CACNA1I: variants seen among roughly 807,000 people sequenced by gnomAD.
The protein encoded by CACNA1I is calcium voltage-gated channel subunit alpha1 I.
Under a neutral mutation model 201.6 loss-of-function variants are expected in CACNA1I, and 74 were observed. That is an observed-to-expected ratio of 0.37 (90% CI 0.30 to 0.45). The LOEUF (loss-of-function observed/expected upper bound fraction) is 0.45, where lower values mean the gene tolerates loss of function less well. Among genes scored for constraint, CACNA1I ranks in the 20% least tolerant of loss-of-function variants. CACNA1I has a pLI of 1.00. For synonymous variants in CACNA1I, 1,431 were observed against 1,345.2 expected (o/e 1.06, Z -1.40); for missense variants, 2,346 against 3,138.1 (o/e 0.75, Z 6.03).
In CACNA1I at chr22:39,665,083, G is replaced by T. The variant is rs1935145734; in HGVS notation, c.3851+160G>T. Among the ~76,000 whole-genome samples the T allele has an allele frequency of 6.6e-6, 1 of 151,670 alleles. No homozygotes were observed. The highest frequency in any genetic ancestry group is 1.5e-5 in the Non-Finnish European group (1 of 67,868). On this transcript the variant is annotated intron_variant, in intron 21 of 36. Transcript: ENST00000402142. The surrounding 1 kb of genome is among the most constrained non-coding windows in gnomAD (Gnocchi z 5.5). Reference sequence around the variant, plus strand: ...GCTGTTCCCGGGGGAGGGGTCTGCAGACCCTGGGGGTGGGGTATGCTGGAA... The same window carrying T: ...GCTGTTCCCGGGGGAGGGGTCTGCATACCCTGGGGGTGGGGTATGCTGGAA...
chr22:39,578,474 C>A (rs964713339), intron 1 of CACNA1I, among the ~76,000 whole-genome samples: 1 of 152,086 alleles, frequency 6.6e-6, no homozygotes, highest in African/African-American at 2.4e-5. Flanking sequence ...TGGGACCTTG[C>A]CCCACGTGAC....
At position 39,686,219 on chromosome 22, in the gene CACNA1I, C is replaced by T; in HGVS notation, c.6486C>T (p.Pro2162=). 4 of 1,246,402 alleles carry T rather than the reference C, an allele frequency of 3.2e-6. No individual in the cohort carries two copies. The highest frequency in any genetic ancestry group is 4.0e-6 in the Non-Finnish European group (4 of 997,888). 77.2% of individuals were successfully genotyped at this position (1,246,402 alleles called of 1,614,324 possible). A position where few individuals can be genotyped will look rare whatever the true frequency, so the allele number is the denominator to read the frequency against. Residue 2162 remains proline, a synonymous_variant, in exon 37 of 37, where the codon CCC becomes CCT. Transcript: ENST00000402142. ...GCAGCACCAGCAGCCTGGCCGCCCC[C>T]GGCCGCCCCCACGCCGCCGCCCTGG... ...KFSSTSSLAA[P]GRPHAAALAH... is the part of the protein sequence containing the mutation.
At chr22:39,632,583 T>C (rs1934094908) in intron 4 of CACNA1I, among the ~76,000 whole-genome samples, 1 of 145,218 alleles carries the variant, frequency 6.9e-6, no homozygotes, top group Non-Finnish European at 1.5e-5. Context: ...TCTGTGTGTG[T>C]GTGGGGGGAG....
chr22:39,619,186 G>T (rs967244618), intron 3 of CACNA1I, 124 bp from the exon 4 acceptor site: 1 of 729,916 alleles, frequency 1.4e-6, no homozygotes, highest in Admixed American at 2.0e-5. Flanking sequence ...CTGGAGATCC[G>T]ACTGCTGTCT....
chr22:39,586,603 G>C (rs1456154566), intron 1 of CACNA1I, among the ~76,000 whole-genome samples: 1 of 152,252 alleles, frequency 6.6e-6, no homozygotes, highest in African/African-American at 2.4e-5. Context: ...GTCATGCCCA[G>C]TGCTGCTGGC....
intron 1 of CACNA1I, among the ~76,000 whole-genome samples, chr22:39,582,474 C>T (rs1305711698): frequency 6.6e-6 from 1 of 152,078 alleles, no homozygotes; most frequent in East Asian, 1.9e-4. Flanking sequence ...TATCCAGCCC[C>T]AGTGACAAAG....
chr22:39,582,936 C>T (rs993244286), intron 1 of CACNA1I, among the ~76,000 whole-genome samples: 3 of 147,536 alleles, frequency 2.0e-5, no homozygotes, highest in Admixed American at 1.4e-4. Context: ...ATCCATCCAT[C>T]CAAGCATCCA....
chr22:39,669,327 T>C (rs5750869), intron 24 of CACNA1I, among the ~76,000 whole-genome samples: 68,809 of 151,966 alleles, frequency 0.45, 16,889 homozygotes, highest in East Asian at 0.96. Context: ...CGCATCTTTC[T>C]CTATTTCCTT....
At position 39,680,661 on chromosome 22, in the gene CACNA1I, G is replaced by A. The variant is rs544520424; in HGVS notation, c.5542-269G>A. Among the ~76,000 whole-genome samples the A allele has an allele frequency of 2.6e-5, 4 of 152,268 alleles. No homozygotes were observed. In the South Asian group the frequency reaches 6.2e-4, roughly 24 times the overall value. ...GACAGCTGTGGAGTTCACAGCCCAC[G>A]GCAACTCACCTGCCCTCAGGTCCAG... On this transcript the variant is annotated intron_variant, in intron 33 of 36. Transcript: ENST00000402142.
intron 20 of CACNA1I, 135 bp downstream of exon 20, chr22:39,664,294 G>T (rs1187789126): frequency 4.2e-6 from 3 of 714,962 alleles, no homozygotes; most frequent in Non-Finnish European, 7.0e-6. Context: ...CACCCCTCTG[G>T]GTGCCAGCCC....
chr22:39,679,974 C>T, intron 33 of CACNA1I, 106 bp downstream of exon 33: 1 of 1,213,562 alleles, frequency 8.2e-7, no homozygotes, highest in East Asian at 2.5e-5. Context: ...AGAGACCAGG[C>T]TGGGTCAACG....
At chr22:39,601,915 CTCCTTCCTTCCTTCCTGCCT>C (rs1416042794) in intron 3 of CACNA1I, among the ~76,000 whole-genome samples, 2 of 33,074 alleles carry the variant, frequency 6.0e-5, no homozygotes, top group African/African-American at 1.9e-4. Context: ...CCCTCCCTCC[CTCCTTCCTTCCTTCCTGCCT>C]TCCTTCCTTC....
intron 2 of CACNA1I, among the ~76,000 whole-genome samples, chr22:39,599,740 G>A (rs1229490395): frequency 2.0e-5 from 3 of 151,698 alleles, no homozygotes; most frequent in South Asian, 2.1e-4. Context: ...CAGCAGCCCC[G>A]GGCCCCAGGC....
chr22:39,616,780 A>AAG (rs1569063579), intron 3 of CACNA1I, among the ~76,000 whole-genome samples: 2 of 101,478 alleles, frequency 2.0e-5, no homozygotes, highest in Non-Finnish European at 2.4e-5. Flanking sequence ...AAAAAAAAAA[A>AAG]AAAAAAAGAA....
intron 6 of CACNA1I, among the ~76,000 whole-genome samples, chr22:39,641,460 G>C (rs897863614): frequency 6.6e-6 from 1 of 152,222 alleles, no homozygotes; most frequent in Non-Finnish European, 1.5e-5. Context: ...TCTTTGCAGA[G>C]CCTCAGGCTG....
chr22:39,646,306 C>T (rs935469848), intron 7 of CACNA1I, among the ~76,000 whole-genome samples: 18 of 152,040 alleles, frequency 1.2e-4, no homozygotes, highest in African/African-American at 4.4e-4. Context: ...CCGTCTTACT[C>T]TCTTTGTCAT....
chr22:39,637,950 T>C (rs1254943614), intron 5 of CACNA1I, among the ~76,000 whole-genome samples: 3 of 152,210 alleles, frequency 2.0e-5, no homozygotes, highest in Admixed American at 1.3e-4. Context: ...ATTTTTTTTT[T>C]TTAGGTGAAA....
At chr22:39,632,402 C>A (rs1173087620) in intron 4 of CACNA1I, among the ~76,000 whole-genome samples, 1 of 152,230 alleles carries the variant, frequency 6.6e-6, no homozygotes, top group Non-Finnish European at 1.5e-5. Flanking sequence ...TCAGAGCCCC[C>A]TGCAACCGCC....
Position 39,649,967 on chromosome 22 carries a change from G to A in CACNA1I, c.1992+42G>A, listed in dbSNP as rs771231502. 4 of 1,605,842 alleles carry A rather than the reference G, an allele frequency of 2.5e-6. No individual in the cohort carries two copies. In the East Asian group the frequency reaches 6.7e-5, roughly 27 times the overall value. On this transcript the variant is annotated intron_variant, in intron 10 of 36. Coordinates refer to ENST00000402142, the MANE Select transcript of CACNA1I (RefSeq NM_021096.4). The surrounding 1 kb of genome is among the most constrained non-coding windows in gnomAD (Gnocchi z 7.3). ...CGGGCCGGGCCTGCGGGAGAGGTGT[G>A]AGGGCCCCAGGACCCTGCCCAGGCC...
Sources: allele counts gnomAD v4.1 joint callset (sites outside exome capture counted in the v4.1 genomes callset), GRCh38; gene constraint gnomAD v4.1.1; non-coding constraint Gnocchi (gnomAD v3.1); transcripts MANE v1.5; gene names NCBI Gene and HGNC (gene_info 2026-07-23, HGNC 2026-07-21).